Variants in THRB observed in about 807,000 individuals in gnomAD.
THRB encodes the protein thyroid hormone receptor beta.
THRB carries 12 observed loss-of-function variants against 47.8 expected under a neutral mutation model. That is an observed-to-expected ratio of 0.25 (90% confidence interval 0.16 to 0.41). The LOEUF (loss-of-function observed/expected upper bound fraction) is 0.41. THRB is among the 10% of genes least tolerant of loss of function. THRB has a pLI of 1.00. For synonymous variants in THRB, 218 were observed against 212.2 expected (o/e 1.03, Z -0.24); for missense variants, 348 against 589.2 (o/e 0.59, Z 4.24).
At chr3:24,348,188 T>A (rs1406772809) in intron 1 of THRB, among the ~76,000 whole-genome samples, 1 of 152,148 alleles carries the variant, frequency 6.6e-6, no homozygotes, top group East Asian at 1.9e-4. Context: ...ATATTAGCTA[T>A]CAATGTAAAG....
At chr3:24,166,108 C>T (rs1295962491) in intron 5 of THRB, among the ~76,000 whole-genome samples, 1 of 152,174 alleles carries the variant, frequency 6.6e-6, no homozygotes, top group Admixed American at 6.5e-5. Flanking sequence ...AGGAAGTACA[C>T]GGTTGAAAAT....
Position 24,200,343 on chromosome 3 carries a change from C to T in THRB, c.23-10009G>A, listed in dbSNP as rs535060803. 7.2e-5 allele frequency among the ~76,000 whole-genome samples: 11 copies of T among 152,212 alleles called. No homozygotes were observed. The South Asian group carries it at 1.7e-3, about 23-fold the overall frequency. On this transcript the variant is annotated intron_variant, in intron 4 of 10. Transcript: ENST00000646209. ...ACCCCTTTTCAGGGTAGAAAATACA[C>T]GTGAATCTTTTCTGACTTTGGAAAC...
chr3:24,135,026 G>C (rs2034436239), intron 8 of THRB, among the ~76,000 whole-genome samples: 1 of 152,176 alleles, frequency 6.6e-6, no homozygotes, highest in Non-Finnish European at 1.5e-5. Flanking sequence ...CATCCCCAGT[G>C]TATTTGATTC....
intron 1 of THRB, among the ~76,000 whole-genome samples, chr3:24,438,459 T>A (rs1361239554): frequency 6.6e-6 from 1 of 152,052 alleles, no homozygotes; most frequent in East Asian, 1.9e-4. Context: ...TATCTTTTTA[T>A]CTCCATAAGA....
chr3:24,415,737 G>C (rs1244734131), intron 1 of THRB, among the ~76,000 whole-genome samples: 1 of 151,894 alleles, frequency 6.6e-6, no homozygotes, highest in African/African-American at 2.4e-5. Context: ...CAGCAGTCTG[G>C]AACAATGGTA....
chr3:24,330,586 T>A lies in THRB; in HGVS notation c.-189+6714A>T, dbSNP rs114791450. Among the ~76,000 whole-genome samples, 1,185 of 152,300 alleles carry A rather than the reference T, an allele frequency of 7.8e-3. 14 individuals carry two copies. Among genetic ancestry groups the A allele is most frequent in the African/African-American group, 0.027 (1,127 of 41,566 alleles). On this transcript the variant is annotated intron_variant, in intron 2 of 10. Transcript: ENST00000646209. ...CACTGTTTTACAGTTGGTGTGTGTT[T>A]TTCCCATGCATGCTTTTATACTTTT...
At chr3:24,479,008 C>G (rs549174318) in intron 1 of THRB, among the ~76,000 whole-genome samples, 1 of 152,248 alleles carries the variant, frequency 6.6e-6, no homozygotes, top group Non-Finnish European at 1.5e-5. Flanking sequence ...GCTAAATATC[C>G]TATAATGCGG....
At chr3:24,188,961 A>G (rs969502632) in intron 5 of THRB, among the ~76,000 whole-genome samples, 2 of 149,842 alleles carry the variant, frequency 1.3e-5, no homozygotes, top group African/African-American at 5.0e-5. Flanking sequence ...CAGAGCTCAG[A>G]ACACTATTTC....
Position 24,393,439 on chromosome 3 carries a change from G to A in THRB, c.-260-56068C>T, listed in dbSNP as rs114931528. Among the ~76,000 whole-genome samples the A allele has an allele frequency of 8.8e-3, 1,333 of 152,224 alleles. 8 individuals carry two copies. Among genetic ancestry groups the A allele is most frequent in the South Asian group, 0.027 (129 of 4,816 alleles). On this transcript the variant is annotated intron_variant, in intron 1 of 10. Coordinates refer to ENST00000646209, the MANE Select transcript of THRB (RefSeq NM_001354712.2). Reference sequence around the variant, plus strand: ...CCTTTCACAGAAAAGTAGCTGAGGGGAGTTTGGGCTTAGGTTCAGCTTCTT... The same window carrying A: ...CCTTTCACAGAAAAGTAGCTGAGGGAAGTTTGGGCTTAGGTTCAGCTTCTT...
chr3:24,262,391 G>C (rs954942461), intron 3 of THRB, among the ~76,000 whole-genome samples: 1 of 152,058 alleles, frequency 6.6e-6, no homozygotes, highest in South Asian at 2.1e-4. Flanking sequence ...GACTCCACAG[G>C]GCAAATTATA....
chr3:24,194,090 T>G (rs1221138623), intron 4 of THRB, among the ~76,000 whole-genome samples: 1 of 152,144 alleles, frequency 6.6e-6, no homozygotes, highest in Non-Finnish European at 1.5e-5. Flanking sequence ...TGCAAAGGCA[T>G]AAGAATGATA....
chr3:24,468,068 T>A (rs1356128532), intron 1 of THRB, among the ~76,000 whole-genome samples: 1 of 152,220 alleles, frequency 6.6e-6, no homozygotes, highest in Non-Finnish European at 1.5e-5. Flanking sequence ...TAGGCACTGG[T>A]GCTTCATCTT....
intron 2 of THRB, among the ~76,000 whole-genome samples, chr3:24,310,554 T>C (rs2057683729): frequency 6.6e-6 from 1 of 152,182 alleles, no homozygotes; most frequent in South Asian, 2.1e-4. Flanking sequence ...TCTCAGTAGG[T>C]CCGGGTTGGG....
At chr3:24,174,743 T>G (rs1005157453) in intron 5 of THRB, among the ~76,000 whole-genome samples, 2 of 152,182 alleles carry the variant, frequency 1.3e-5, no homozygotes, top group African/African-American at 4.8e-5. Flanking sequence ...CAGTGGCCCA[T>G]GCACTGTGCT....
intron 5 of THRB, among the ~76,000 whole-genome samples, chr3:24,186,022 G>A (rs764507813): frequency 1.3e-5 from 2 of 152,180 alleles, no homozygotes; most frequent in African/African-American, 2.4e-5. Flanking sequence ...ACCAAGAATG[G>A]AGGGACTCAA....
chr3:24,398,609 A>T (rs2067153982), intron 1 of THRB, among the ~76,000 whole-genome samples: 1 of 152,188 alleles, frequency 6.6e-6, no homozygotes, highest in African/African-American at 2.4e-5. Context: ...GAGAAAAAGG[A>T]AGACTTTTAC....
intron 1 of THRB, among the ~76,000 whole-genome samples, chr3:24,379,155 T>A (rs2065513667): frequency 6.6e-6 from 1 of 152,164 alleles, no homozygotes; most frequent in Admixed American, 6.6e-5. Flanking sequence ...TCTATGTACA[T>A]ATACATATTC....
chr3:24,414,184 T>C (rs1425316083), intron 1 of THRB, among the ~76,000 whole-genome samples: 1 of 151,874 alleles, frequency 6.6e-6, no homozygotes, highest in Non-Finnish European at 1.5e-5. Context: ...AACTGAAACA[T>C]AATATGCAGC....
At chr3:24,440,741 T>G (rs1171988662) in intron 1 of THRB, among the ~76,000 whole-genome samples, 1 of 151,562 alleles carries the variant, frequency 6.6e-6, no homozygotes, top group Non-Finnish European at 1.5e-5. Context: ...TCTGAGGGGG[T>G]GAAAGGGATG....
Sources: allele counts gnomAD v4.1 joint callset (sites outside exome capture counted in the v4.1 genomes callset), GRCh38; gene constraint gnomAD v4.1.1; transcripts MANE v1.5; gene names NCBI Gene and HGNC (gene_info 2026-07-23, HGNC 2026-07-21).